The following SWT1 variants were observed in gnomAD, a reference collection of about 807,000 sequenced individuals.
The protein encoded by SWT1 is SWT1 RNA endoribonuclease homolog, also known as transcriptional protein SWT1.
In SWT1, 33 loss-of-function variants were observed where a neutral mutation model predicts 107.3. The ratio of observed to expected loss-of-function variants is 0.31; its 90% CI spans 0.23 to 0.41. The LOEUF (loss-of-function observed/expected upper bound fraction) is 0.41. Ranked by LOEUF, SWT1 falls within the 10% of genes least tolerant of loss-of-function variation. SWT1 has a pLI of 1.00. For missense variants in SWT1, 898 were observed against 1,028.9 expected (o/e 0.87, Z 1.74); for synonymous variants, 345 against 348.3 (o/e 0.99, Z 0.11).
intron 16 of SWT1, among the ~76,000 whole-genome samples, chr1:185,236,788 T>C (rs1351172540): frequency 1.3e-5 from 2 of 152,212 alleles, no homozygotes; most frequent in East Asian, 3.9e-4. Context: ...ACCTACAGAA[T>C]GGGAGAAAAT....
chr1:185,235,707 A>G lies in SWT1; in HGVS notation c.2441+3999A>G, dbSNP rs781649492. Among the ~76,000 whole-genome samples, 7 of 152,328 alleles carry G rather than the reference A, an allele frequency of 4.6e-5. No homozygotes were observed. In the East Asian group the frequency reaches 7.7e-4, roughly 17 times the overall value. On this transcript the variant is annotated intron_variant, in intron 16 of 18. Coordinates refer to ENST00000367500, the MANE Select transcript of SWT1 (RefSeq NM_017673.7). Reference sequence around the variant, plus strand: ...AGTATTGGAAGTTCTGGCCAGGGCAATCAGGCAAGAGAAAGAAATAAAGGG... The same window carrying G: ...AGTATTGGAAGTTCTGGCCAGGGCAGTCAGGCAAGAGAAAGAAATAAAGGG...
intron 10 of SWT1, among the ~76,000 whole-genome samples, chr1:185,194,064 T>G (rs1480633654): frequency 6.6e-6 from 1 of 152,240 alleles, no homozygotes; most frequent in East Asian, 1.9e-4. Flanking sequence ...ACATCATTCC[T>G]GGTTCTAAAG....
chr1:185,284,144 A>G (rs1363284245), intron 18 of SWT1, among the ~76,000 whole-genome samples: 4 of 152,202 alleles, frequency 2.6e-5, no homozygotes, highest in African/African-American at 9.7e-5. Context: ...AGTTATTGCC[A>G]TCCTGATGAG....
chr1:185,181,854 C>T (rs1656043218), intron 6 of SWT1, 92 bp from the exon 7 acceptor site: 1 of 1,397,110 alleles, frequency 7.2e-7, no homozygotes, highest in Admixed American at 2.0e-5. Flanking sequence ...CATAAACCAT[C>T]TCAAGTGAAT....
intron 9 of SWT1, among the ~76,000 whole-genome samples, chr1:185,189,854 C>G (rs1364929039): frequency 6.9e-6 from 1 of 144,152 alleles, no homozygotes; most frequent in East Asian, 2.0e-4. Context: ...TACATATATA[C>G]TTTTTTTTTT....
At chr1:185,206,934 A>G (rs1376466456) in intron 13 of SWT1, among the ~76,000 whole-genome samples, 171 bp downstream of exon 13, 4 of 152,218 alleles carry the variant, frequency 2.6e-5, no homozygotes, top group Non-Finnish European at 5.9e-5. Flanking sequence ...GATGCAGCTC[A>G]TAGAGCTATG....
intron 10 of SWT1, among the ~76,000 whole-genome samples, chr1:185,201,924 A>AC (rs1657914073): frequency 6.6e-6 from 1 of 151,938 alleles, no homozygotes; most frequent in Non-Finnish European, 1.5e-5. Flanking sequence ...GTTGCTTTCT[A>AC]GTGCCTTCAA....
At chr1:185,164,342 A>T (rs1654401293) in intron 2 of SWT1, among the ~76,000 whole-genome samples, 1 of 152,150 alleles carries the variant, frequency 6.6e-6, no homozygotes, top group South Asian at 2.1e-4. Context: ...CTGAATGATA[A>T]GTAAGTATTG....
chr1:185,274,648 A>T lies in SWT1; in HGVS notation c.2509-1956A>T, dbSNP rs190519763. Among the ~76,000 whole-genome samples, 46 of 152,316 alleles carry T rather than the reference A, an allele frequency of 3.0e-4. No homozygotes were observed. In the East Asian group the frequency reaches 8.3e-3, roughly 27 times the overall value. On this transcript the variant is annotated intron_variant, in intron 17 of 18. Coordinates refer to ENST00000367500, the MANE Select transcript of SWT1 (RefSeq NM_017673.7). Reference sequence around the variant, plus strand: ...TAATTAAAAAGAAGCCATTTCTAATATCTGGCTTTTACTGTAAGTAGTACA... The same window carrying T: ...TAATTAAAAAGAAGCCATTTCTAATTTCTGGCTTTTACTGTAAGTAGTACA...
At chr1:185,220,716 T>C (rs763088204) in intron 14 of SWT1, among the ~76,000 whole-genome samples, 1 of 152,232 alleles carries the variant, frequency 6.6e-6, no homozygotes, top group Non-Finnish European at 1.5e-5. Flanking sequence ...AGGATTCTTA[T>C]TTGCAAGCAG....
chr1:185,231,769 T>G, intron 16 of SWT1, 61 bp downstream of exon 16: 5 of 1,375,196 alleles, frequency 3.6e-6, no homozygotes, highest in Non-Finnish European at 5.0e-6. Context: ...TCTCCTAGGC[T>G]TACCAACTTT....
chr1:185,282,456 C>T (rs1213209818), intron 18 of SWT1, among the ~76,000 whole-genome samples: 1 of 151,536 alleles, frequency 6.6e-6, no homozygotes, highest in Non-Finnish European at 1.5e-5. Context: ...GGGGGCGGCA[C>T]ACACAGAGAA....
At chr1:185,236,790 G>A (rs1040264518) in intron 16 of SWT1, among the ~76,000 whole-genome samples, 1 of 151,964 alleles carries the variant, frequency 6.6e-6, no homozygotes, top group Non-Finnish European at 1.5e-5. Context: ...CTACAGAATG[G>A]GAGAAAATTT....
chr1:185,269,785 G>T (rs1385242353), intron 16 of SWT1, among the ~76,000 whole-genome samples: 1 of 152,080 alleles, frequency 6.6e-6, no homozygotes, highest in East Asian at 1.9e-4. Flanking sequence ...AACTTATAAT[G>T]GTTTGTTTTA....
At chr1:185,262,786 CTTTTTT>C (rs572086827) in intron 16 of SWT1, among the ~76,000 whole-genome samples, 1 of 135,472 alleles carries the variant, frequency 7.4e-6, no homozygotes, top group African/African-American at 2.7e-5. Context: ...TTTCTTCTTT[CTTTTTT>C]TTTTTTTTTT....
chr1:185,189,500 C>T (rs1377009638), intron 9 of SWT1, among the ~76,000 whole-genome samples: 1 of 152,148 alleles, frequency 6.6e-6, no homozygotes, highest in African/African-American at 2.4e-5. Context: ...TGCGGTAGAA[C>T]AGTTGCTTAT....
intron 16 of SWT1, among the ~76,000 whole-genome samples, chr1:185,237,380 G>T (rs1660964933): frequency 6.6e-6 from 1 of 152,138 alleles, no homozygotes; most frequent in South Asian, 2.1e-4. Context: ...CATAAAAAAG[G>T]ATGAGTTCAT....
intron 16 of SWT1, among the ~76,000 whole-genome samples, chr1:185,258,665 G>C (rs1017853752): frequency 6.6e-6 from 1 of 152,076 alleles, no homozygotes; most frequent in Non-Finnish European, 1.5e-5. Context: ...CTTGGAAATG[G>C]GAAGTCTGCT....
intron 15 of SWT1, chr1:185,226,820 C>G: frequency 6.7e-7 from 1 of 1,498,218 alleles, no homozygotes; most frequent in Non-Finnish European, 8.9e-7. Flanking sequence ...TCTCAGCAGC[C>G]CGCTCCTGAG....
Sources: allele counts gnomAD v4.1 joint callset (sites outside exome capture counted in the v4.1 genomes callset), GRCh38; gene constraint gnomAD v4.1.1; transcripts MANE v1.5; gene names NCBI Gene and HGNC (gene_info 2026-07-23, HGNC 2026-07-21).